Variants in UBR3 observed in about 807,000 individuals in gnomAD.
UBR3 encodes ubiquitin protein ligase E3 component n-recognin 3, also known as E3 ubiquitin-protein ligase UBR3.
Under a neutral mutation model 243.2 loss-of-function variants are expected in UBR3, and 85 were observed. That is an observed-to-expected ratio of 0.35 (90% CI 0.29 to 0.42). The LOEUF (loss-of-function observed/expected upper bound fraction) is 0.42, where lower values mean the gene tolerates loss of function less well. Ranked by LOEUF, UBR3 falls within the 10% of genes least tolerant of loss-of-function variation. UBR3 has a pLI of 1.00. For missense variants in UBR3, 1,686 were observed against 2,300.8 expected (o/e 0.73, Z 5.47); for synonymous variants, 748 against 799.8 (o/e 0.94, Z 1.09).
chr2:170,055,750 A>G (rs1317137735), intron 33 of UBR3, among the ~76,000 whole-genome samples, 166 bp downstream of exon 33: 1 of 152,228 alleles, frequency 6.6e-6, no homozygotes, highest in Non-Finnish European at 1.5e-5. Context: ...CTAAACAATG[A>G]GGACTTCTAT....
intron 31 of UBR3, among the ~76,000 whole-genome samples, chr2:170,035,667 T>G (rs975996095): frequency 5.2e-4 from 79 of 151,952 alleles, no homozygotes; most frequent in South Asian, 4.1e-4. Context: ...CTATATAAAT[T>G]TTAAAATCAG....
intron 26 of UBR3, among the ~76,000 whole-genome samples, chr2:169,996,229 A>T (rs2089472428): frequency 1.3e-5 from 2 of 152,308 alleles, no homozygotes; most frequent in South Asian, 4.1e-4. Flanking sequence ...TGATGGACCT[A>T]CAGGGAGGTA....
chr2:169,854,186 A>T (rs181040355), intron 1 of UBR3, among the ~76,000 whole-genome samples: 46 of 152,208 alleles, frequency 3.0e-4, no homozygotes, highest in African/African-American at 8.2e-4. Flanking sequence ...TAAAGTATTT[A>T]AAAAAAAGTT....
chr2:169,987,899 T>C (rs531850910), intron 25 of UBR3, among the ~76,000 whole-genome samples: 4 of 152,290 alleles, frequency 2.6e-5, no homozygotes, highest in South Asian at 2.1e-4. Flanking sequence ...TTTTCTTTTA[T>C]GTAGAGAGCT....
rs531999922 is a variant in UBR3 at position 170,077,479 on chromosome 2, C to T, written c.5200-2335C>T. 138 of 1,423,666 alleles carry T rather than the reference C, an allele frequency of 9.7e-5. No individual in the cohort carries two copies. The Admixed American group carries it at 1.2e-3, about 12-fold the overall frequency. The allele number at this position is 1,423,666 out of a possible 1,614,324, so 88.2% of individuals were successfully genotyped here. A position where few individuals can be genotyped will look rare whatever the true frequency, so the allele number is the denominator to read the frequency against. On this transcript the variant is annotated intron_variant, in intron 36 of 38. Coordinates refer to ENST00000272793, the MANE Select transcript of UBR3 (RefSeq NM_172070.4). ...TACATGGGCTTTCTTGAAACGCAAG[C>T]CCATTGGCCTGATGAATCTTCCATA...
intron 31 of UBR3, among the ~76,000 whole-genome samples, chr2:170,032,322 A>C (rs1464563028): frequency 6.6e-6 from 1 of 152,152 alleles, no homozygotes; most frequent in African/African-American, 2.4e-5. Context: ...AGCAGAAATG[A>C]CACAAAGGAA....
At chr2:169,857,064 G>GGTTTTTT (rs2082901383) in intron 1 of UBR3, among the ~76,000 whole-genome samples, 1 of 56,082 alleles carries the variant, frequency 1.8e-5, no homozygotes, top group Non-Finnish European at 3.2e-5. Context: ...ATTTTATTAT[G>GGTTTTTT]TTTTTTTTTT....
chr2:170,001,098 T>G (rs1278456365), intron 26 of UBR3, among the ~76,000 whole-genome samples: 1 of 152,212 alleles, frequency 6.6e-6, no homozygotes, highest in East Asian at 1.9e-4. Flanking sequence ...TATAGAAGTT[T>G]GGGAGCTACA....
intron 24 of UBR3, among the ~76,000 whole-genome samples, chr2:169,980,026 C>T (rs1221490234): frequency 1.3e-5 from 2 of 152,032 alleles, no homozygotes; most frequent in African/African-American, 2.4e-5. Context: ...GTGCTGGCTA[C>T]CTAACTTTGG....
At chr2:170,024,674 T>G (rs763627346) in intron 30 of UBR3, among the ~76,000 whole-genome samples, 2 of 152,168 alleles carry the variant, frequency 1.3e-5, no homozygotes, top group African/African-American at 2.4e-5. Context: ...AGGGATTTCT[T>G]AAACCTTACT....
chr2:169,937,826 G>C (rs942414765), intron 19 of UBR3, among the ~76,000 whole-genome samples: 1 of 152,164 alleles, frequency 6.6e-6, no homozygotes, highest in Admixed American at 6.5e-5. Flanking sequence ...TAGGCAGGTT[G>C]GTTGAGAAGC....
chr2:170,062,958 T>C (rs556146774), intron 35 of UBR3, among the ~76,000 whole-genome samples: 2 of 152,268 alleles, frequency 1.3e-5, no homozygotes, highest in East Asian at 3.9e-4. Flanking sequence ...TAAAATATAG[T>C]TGTAATGGAT....
chr2:169,911,877 A>T (rs2085267068), intron 10 of UBR3, among the ~76,000 whole-genome samples: 1 of 152,196 alleles, frequency 6.6e-6, no homozygotes, highest in Non-Finnish European at 1.5e-5. Context: ...GAGGTATGGA[A>T]TAGAATGTAT....
At chr2:170,015,568 C>T (rs879746678) in intron 30 of UBR3, among the ~76,000 whole-genome samples, 1 of 137,566 alleles carries the variant, frequency 7.3e-6, no homozygotes, top group South Asian at 2.5e-4. Context: ...GATTACCTAG[C>T]ACATAAATGT....
intron 29 of UBR3, among the ~76,000 whole-genome samples, chr2:170,013,219 C>A (rs373062633): frequency 6.6e-6 from 1 of 152,032 alleles, no homozygotes; most frequent in Non-Finnish European, 1.5e-5. Context: ...ACATATGACC[C>A]ATTTGTGTGT....
At chr2:170,033,278 A>G (rs979492351) in intron 31 of UBR3, among the ~76,000 whole-genome samples, 5 of 152,204 alleles carry the variant, frequency 3.3e-5, no homozygotes, top group African/African-American at 1.2e-4. Flanking sequence ...TGCTGTGAAC[A>G]CTTATATAGT....
intron 11 of UBR3, among the ~76,000 whole-genome samples, chr2:169,921,849 G>A (rs368643821): frequency 2.6e-5 from 4 of 152,130 alleles, no homozygotes; most frequent in East Asian, 1.9e-4. Flanking sequence ...AAAATTAGCC[G>A]GTGTGGTAAT....
At chr2:169,893,323 T>C (rs1559067245) in intron 6 of UBR3, among the ~76,000 whole-genome samples, 1 of 152,210 alleles carries the variant, frequency 6.6e-6, no homozygotes, top group Non-Finnish European at 1.5e-5. Flanking sequence ...TTTAAGTGCT[T>C]GACAATTAAT....
In UBR3 at chr2:169,906,049, G is replaced by A. The variant is rs867936318; in HGVS notation, c.1664G>A (p.Arg555Gln). The A allele has an allele frequency of 1.3e-6, 2 of 1,551,534 alleles. No homozygotes were observed. Among genetic ancestry groups the A allele is most frequent in the Middle Eastern group, 1.7e-4 (1 of 5,996 alleles). ...SFFQGMNLNK[R>Q]ELNEHVEFES... ...TTGCCAGGTATGAACTTAAACAAGCGAGAACTAAACGAGCATGTGGAATTT... is the reference window on the plus strand; with the variant it reads ...TTGCCAGGTATGAACTTAAACAAGCAAGAACTAAACGAGCATGTGGAATTT... Residue 555 changes from arginine to glutamine, a missense_variant, in exon 10 of 39, where the codon CGA (arginine) becomes CAA (glutamine). This residue lies in a region of UBR3 where 346 missense variants were observed against 585.8 expected (regional missense o/e 0.59). Transcript: ENST00000272793.
Sources: gnomAD v4.1 joint callset for allele counts (sites outside exome capture counted in the v4.1 genomes callset) on GRCh38, gnomAD v4.1.1 for gene constraint, gnomAD v4.1.1 regional missense constraint, MANE v1.5 for transcripts, NCBI Gene and HGNC (gene_info 2026-07-23, HGNC 2026-07-21) for gene names.